Variants in SWT1 observed in about 807,000 individuals in gnomAD.
SWT1 encodes the protein transcriptional protein SWT1.
SWT1 carries 33 observed loss-of-function variants against 107.3 expected under a neutral mutation model. That is an observed-to-expected ratio of 0.31 (90% CI 0.23 to 0.41). SWT1 has a LOEUF of 0.41. Among genes scored for constraint, SWT1 ranks in the 10% least tolerant of loss-of-function variants. The pLI is 1.00. For missense variants in SWT1, 898 were observed against 1,028.9 expected, an observed-to-expected ratio of 0.87 and a Z score of 1.74; for synonymous variants, 345 against 348.3, an observed-to-expected ratio of 0.99 and a Z score of 0.11.
In SWT1 at chr1:185,241,354, A is replaced by T. The variant is rs150364175; in HGVS notation, c.2441+9646A>T. On this transcript the variant is annotated intron_variant, in intron 16 of 18. Coordinates refer to ENST00000367500, the MANE Select transcript of SWT1 (RefSeq NM_017673.7). ...TTTGAGGCTTGGCCTTTTCACCCTT[A>T]GATAATTAGGCTTCACCTCCCACTC... 2.0e-5 allele frequency among the ~76,000 whole-genome samples: 3 copies of T among 152,198 alleles called. No homozygotes were observed. The East Asian group carries it at 5.8e-4, about 29-fold the overall frequency.
chr1:185,223,513 TAACTGGAGTGAGGTG>T (rs1385004204), intron 15 of SWT1, among the ~76,000 whole-genome samples: 3 of 152,154 alleles, frequency 2.0e-5, no homozygotes, highest in Non-Finnish European at 4.4e-5. Flanking sequence ...ATAGCCACTC[TAACTGGAGTGAGGTG>T]GTGTCTCAGT....
At chr1:185,178,245 G>A (rs1417245239) in intron 5 of SWT1, among the ~76,000 whole-genome samples, 1 of 152,170 alleles carries the variant, frequency 6.6e-6, no homozygotes, top group Admixed American at 6.5e-5. Context: ...TGCATGGAAG[G>A]AAGGTACATG....
chr1:185,171,691 A>G (rs1054007854), intron 4 of SWT1: 9 of 502,074 alleles, frequency 1.8e-5, no homozygotes, highest in African/African-American at 9.8e-5. Flanking sequence ...CTTTACCACA[A>G]GGTTTTTCAT....
chr1:185,272,956 C>A (rs549021109), intron 17 of SWT1, among the ~76,000 whole-genome samples: 20 of 151,674 alleles, frequency 1.3e-4, no homozygotes, highest in Non-Finnish European at 2.8e-4. Context: ...TTATTTGAGT[C>A]CGGGAGGTCA....
intron 16 of SWT1, among the ~76,000 whole-genome samples, chr1:185,256,274 T>C (rs1662506384): frequency 6.6e-6 from 1 of 151,512 alleles, no homozygotes; most frequent in South Asian, 2.1e-4. Context: ...GTTGCTCTTC[T>C]CGAGGAGTAT....
intron 16 of SWT1, among the ~76,000 whole-genome samples, chr1:185,266,352 C>A (rs928918419): frequency 6.6e-6 from 1 of 152,210 alleles, no homozygotes; most frequent in African/African-American, 2.4e-5. Flanking sequence ...GCGTGAGCCA[C>A]CGTGCCCAGC....
At chr1:185,247,049 CTTA>C (rs1219141504) in intron 16 of SWT1, among the ~76,000 whole-genome samples, 1 of 152,112 alleles carries the variant, frequency 6.6e-6, no homozygotes, top group South Asian at 2.1e-4. Context: ...GTGTGATTGC[CTTA>C]TTATTATTAC....
chr1:185,201,425 T>C (rs1408000630), intron 10 of SWT1, among the ~76,000 whole-genome samples: 2 of 152,074 alleles, frequency 1.3e-5, no homozygotes, highest in East Asian at 3.9e-4. Flanking sequence ...GTGAAGACCA[T>C]GGGAAAAGTA....
chr1:185,201,114 G>GCAT (rs1657839471), intron 10 of SWT1, among the ~76,000 whole-genome samples: 1 of 152,008 alleles, frequency 6.6e-6, no homozygotes, highest in Admixed American at 6.5e-5. Context: ...CCAAATTCCA[G>GCAT]CATCCTAGGT....
In SWT1 at chr1:185,174,200, A is replaced by T. The variant is rs536200121; in HGVS notation, c.225-172A>T. Among the ~76,000 whole-genome samples, 7 of 152,308 alleles carry T rather than the reference A, an allele frequency of 4.6e-5. No individual in the cohort carries two copies. The East Asian group carries it at 1.3e-3, about 29-fold the overall frequency. On this transcript the variant is annotated intron_variant, in intron 4 of 18. Coordinates refer to ENST00000367500, the MANE Select transcript of SWT1 (RefSeq NM_017673.7). ...AATTTTTTTTTCCAAATAGCAAACT[A>T]ATTATTCTAACACCATTAAGTGAGT...
At chr1:185,255,062 T>C (rs1332562839) in intron 16 of SWT1, among the ~76,000 whole-genome samples, 2 of 152,168 alleles carry the variant, frequency 1.3e-5, no homozygotes, top group Non-Finnish European at 2.9e-5. Context: ...AGGAGCAGGT[T>C]GTTCAGTTTC....
intron 12 of SWT1, among the ~76,000 whole-genome samples, chr1:185,205,729 A>T (rs1170150754): frequency 6.6e-6 from 1 of 152,288 alleles, no homozygotes; most frequent in East Asian, 1.9e-4. Context: ...TGAGATTCTA[A>T]TATTTGCCAG....
At chr1:185,284,363 C>T (rs566543299) in intron 18 of SWT1, among the ~76,000 whole-genome samples, 4 of 152,308 alleles carry the variant, frequency 2.6e-5, no homozygotes, top group African/African-American at 7.2e-5. Flanking sequence ...CAAAATCTTA[C>T]GTGATGTTTG....
chr1:185,262,760 T>A (rs1663110271), intron 16 of SWT1, among the ~76,000 whole-genome samples: 1 of 151,802 alleles, frequency 6.6e-6, no homozygotes, highest in African/African-American at 2.4e-5. Context: ...GTATCCTTGG[T>A]GTCACTTTGT....
intron 16 of SWT1, among the ~76,000 whole-genome samples, chr1:185,261,653 C>A (rs975750554): frequency 6.8e-6 from 1 of 147,604 alleles, no homozygotes; most frequent in Non-Finnish European, 1.5e-5. Flanking sequence ...CACATCCTCA[C>A]CAATGCCTGT....
intron 16 of SWT1, among the ~76,000 whole-genome samples, chr1:185,233,608 C>T (rs957792114): frequency 6.6e-6 from 1 of 152,026 alleles, no homozygotes; most frequent in African/African-American, 2.4e-5. Flanking sequence ...TGTAGTTGAG[C>T]GGTTTTGAGT....
chr1:185,245,770 A>G (rs540528336), intron 16 of SWT1, among the ~76,000 whole-genome samples: 35 of 151,848 alleles, frequency 2.3e-4, no homozygotes, highest in African/African-American at 8.2e-4. Context: ...ATCTTACATT[A>G]TAATCTTTTT....
At chr1:185,207,206 T>G (rs1020301315) in intron 13 of SWT1, among the ~76,000 whole-genome samples, 47 of 152,240 alleles carry the variant, frequency 3.1e-4, no homozygotes, top group Non-Finnish European at 1.0e-4. Flanking sequence ...CTATTTAAAC[T>G]ATATAGATAA....
chr1:185,264,166 T>C (rs1351070698), intron 16 of SWT1: 1 of 176,976 alleles, frequency 5.7e-6, no homozygotes, highest in African/African-American at 2.4e-5. Flanking sequence ...ATAACAATCA[T>C]GGTTTTGTTC....
Sources: gnomAD v4.1 joint callset for allele counts (sites outside exome capture counted in the v4.1 genomes callset) on GRCh38, gnomAD v4.1.1 for gene constraint, MANE v1.5 for transcripts, NCBI Gene and HGNC (gene_info 2026-07-23, HGNC 2026-07-21) for gene names.